PPA1: variants seen among roughly 807,000 people sequenced by gnomAD.
PPA1 encodes inorganic pyrophosphatase.
A neutral mutation model predicts 41.8 loss-of-function variants in PPA1; 23 were observed. The observed-to-expected ratio is 0.55, with a 90% CI of 0.40 to 0.78. The LOEUF (loss-of-function observed/expected upper bound fraction) is 0.78. Ranked by LOEUF, PPA1 falls within the 30% of genes least tolerant of loss-of-function variation. PPA1 has a pLI of 0.00. For missense variants in PPA1, 320 were observed against 361.6 expected (o/e 0.89, Z 0.93); for synonymous variants, 101 against 116.8 (o/e 0.86, Z 0.87).
At chr10:70,229,551 T>C (rs760051159) in intron 2 of PPA1, among the ~76,000 whole-genome samples, 2 of 152,246 alleles carry the variant, frequency 1.3e-5, no homozygotes, top group African/African-American at 2.4e-5. Context: ...AACAGCTATG[T>C]CCTTTTAGAA....
chr10:70,232,817 G>T (rs1045734834), intron 1 of PPA1, among the ~76,000 whole-genome samples: 1 of 152,080 alleles, frequency 6.6e-6, no homozygotes, highest in African/African-American at 2.4e-5. Context: ...GATAATCTGA[G>T]CTACGGCGGC....
chr10:70,220,545 GTATAATATATATATAATTATATA>G lies in PPA1; in HGVS notation c.124-1751_124-1729del, dbSNP rs1297550115. On this transcript the variant is annotated intron_variant, in intron 2 of 10. Coordinates refer to ENST00000373232, the MANE Select transcript of PPA1 (RefSeq NM_021129.4). ...TATATGTATTATATATAATTTTTAT[GTATAATATATATATAATTATATA>G]TATAATATATATAATTATATATTAT... Among the ~76,000 whole-genome samples, 8 of 11,418 alleles carry G rather than the reference GTATAATATATATATAATTATATA, an allele frequency of 7.0e-4. 1 individual carries two copies. Among genetic ancestry groups the G allele is most frequent in the African/African-American group, 4.9e-3 (7 of 1,424 alleles). The allele number at this position is 11,418 out of a possible 152,430, so 7.5% of individuals were successfully genotyped here.
In PPA1 at chr10:70,203,007, C is replaced by T. The variant is rs892889053; in HGVS notation, c.*148G>A. On this transcript the variant is annotated 3_prime_UTR_variant, in exon 11 of 11. Coordinates refer to ENST00000373232, the MANE Select transcript of PPA1 (RefSeq NM_021129.4). ...AAAAATGCTTTAGATGGATAACATTCTGAGTATATTGGATTAGTCACAGCA... is the reference window on the plus strand; with the variant it reads ...AAAAATGCTTTAGATGGATAACATTTTGAGTATATTGGATTAGTCACAGCA... 3 of 764,550 alleles carry T rather than the reference C, an allele frequency of 3.9e-6. No individual in the cohort carries two copies. Among genetic ancestry groups the T allele is most frequent in the Middle Eastern group, 3.7e-4 (1 of 2,730 alleles). 47.4% of individuals were successfully genotyped at this position (764,550 alleles called of 1,614,324 possible). A position where few individuals can be genotyped will look rare whatever the true frequency, so the allele number is the denominator to read the frequency against.
In PPA1 at chr10:70,233,411, T is replaced by G; in HGVS notation, c.-84A>C. On this transcript the variant is annotated 5_prime_UTR_variant, in exon 1 of 11. Transcript: ENST00000373232. Reference sequence around the variant, plus strand: ...ACTGACAAGGAGAGAGCCCCACGCCTGCGCACTGCGAGCACTGGACCGGCG... The same window carrying G: ...ACTGACAAGGAGAGAGCCCCACGCCGGCGCACTGCGAGCACTGGACCGGCG... The G allele has an allele frequency of 3.4e-6, 5 of 1,491,066 alleles. No individual in the cohort carries two copies. The highest frequency in any genetic ancestry group is 4.4e-6 in the Non-Finnish European group (5 of 1,125,598). 92.4% of individuals were successfully genotyped at this position (1,491,066 alleles called of 1,614,324 possible).
intron 2 of PPA1, among the ~76,000 whole-genome samples, chr10:70,223,581 C>G (rs1462169823): frequency 6.6e-6 from 1 of 152,034 alleles, no homozygotes; most frequent in East Asian, 1.9e-4. Context: ...AAAGAACAAC[C>G]TTCTTCTAGA....
rs1564580071 is a variant in PPA1 at position 70,206,302 on chromosome 10, TGAA to T, written c.754_756del (p.Phe252del). 1 of 1,613,350 alleles carries T rather than the reference TGAA, an allele frequency of 6.2e-7. No individual in the cohort carries two copies. The highest frequency in any genetic ancestry group is 8.5e-7 in the Non-Finnish European group (1 of 1,179,436). ...GCTCTGGCAGCATCAGGATCACACT[TGAA>T]GGGGCTCTCAGACAAAGTTGTATTC... On this transcript the variant is annotated inframe_deletion, in exon 9 of 11. Coordinates refer to ENST00000373232, the MANE Select transcript of PPA1 (RefSeq NM_021129.4).
chr10:70,222,708 G>C (rs1009635892), intron 2 of PPA1, among the ~76,000 whole-genome samples: 1 of 151,902 alleles, frequency 6.6e-6, no homozygotes, highest in African/African-American at 2.4e-5. Context: ...TAAGTTTTAG[G>C]GTATATGTGC....
At chr10:70,212,732 A>G (rs1840034673) in intron 6 of PPA1, among the ~76,000 whole-genome samples, 1 of 151,858 alleles carries the variant, frequency 6.6e-6, no homozygotes, top group Non-Finnish European at 1.5e-5. Context: ...ACTAGTGGTG[A>G]TGGCTGCACA....
intron 10 of PPA1, chr10:70,204,284 TG>T (rs985370945): frequency 1.8e-4 from 27 of 152,346 alleles, no homozygotes; most frequent in African/African-American, 6.3e-4. Context: ...CCCAGCTATT[TG>T]GGAGGCTGAG....
chr10:70,216,912 G>C (rs1840087270), intron 4 of PPA1, among the ~76,000 whole-genome samples: 1 of 152,124 alleles, frequency 6.6e-6, no homozygotes, highest in Non-Finnish European at 1.5e-5. Flanking sequence ...GCTCACACCT[G>C]TAATCCCAGC....
chr10:70,232,727 C>G (rs1214852337), intron 1 of PPA1, among the ~76,000 whole-genome samples: 1 of 152,106 alleles, frequency 6.6e-6, no homozygotes, highest in Non-Finnish European at 1.5e-5. Flanking sequence ...CGGTCCAGCG[C>G]CTTCACAGAC....
chr10:70,206,438 G>A (rs945069764), intron 8 of PPA1, 105 bp from the exon 9 acceptor site: 3 of 800,950 alleles, frequency 3.7e-6, no homozygotes, highest in Non-Finnish European at 6.3e-6. Context: ...TTCAAGTTTA[G>A]TTTAGTCGAA....
intron 1 of PPA1, among the ~76,000 whole-genome samples, chr10:70,231,018 G>T (rs1199745615): frequency 6.6e-6 from 1 of 152,180 alleles, no homozygotes; most frequent in African/African-American, 2.4e-5. Flanking sequence ...TACTTGGGAG[G>T]AAGGGAGGGG....
chr10:70,206,446 G>A (rs1017255377), intron 8 of PPA1, 113 bp from the exon 9 acceptor site: 26 of 743,738 alleles, frequency 3.5e-5, no homozygotes, highest in Middle Eastern at 3.7e-4. Context: ...TAGTTTAGTC[G>A]AAAGCTTTTT....
chr10:70,222,904 A>G (rs554460399), intron 2 of PPA1, among the ~76,000 whole-genome samples: 1 of 138,342 alleles, frequency 7.2e-6, no homozygotes, highest in African/African-American at 2.7e-5. Context: ...TCATTGTTCA[A>G]TTCCCACCTA....
intron 4 of PPA1, among the ~76,000 whole-genome samples, chr10:70,217,184 A>T (rs1312768444): frequency 6.6e-6 from 1 of 152,126 alleles, no homozygotes; most frequent in Non-Finnish European, 1.5e-5. Flanking sequence ...AATTAAAAAA[A>T]AAAAAGGTTG....
rs1023145837 is a variant in PPA1, at chr10:70,203,043, T to C, written c.*112A>G. On this transcript the variant is annotated 3_prime_UTR_variant, in exon 11 of 11. Coordinates refer to ENST00000373232, the MANE Select transcript of PPA1 (RefSeq NM_021129.4). ...GGATTAGTCACAGCAGAATTTACTT[T>C]AGTTAGATGAGTTCTACAAATTTAA... 7 of 1,062,798 alleles carry C rather than the reference T, an allele frequency of 6.6e-6. No individual in the cohort carries two copies. Among genetic ancestry groups the C allele is most frequent in the Non-Finnish European group, 9.9e-6 (7 of 704,678 alleles). The allele number at this position is 1,062,798 out of a possible 1,614,324, so 65.8% of individuals were successfully genotyped here.
chr10:70,230,464 C>T (rs1383536601), intron 1 of PPA1, 65 bp from the exon 2 acceptor site: 2 of 1,467,132 alleles, frequency 1.4e-6, no homozygotes, highest in Non-Finnish European at 1.9e-6. Context: ...CCACAGTACA[C>T]ATTTTTTTTT....
intron 6 of PPA1, chr10:70,210,440 A>G: frequency 2.2e-6 from 3 of 1,363,086 alleles, no homozygotes; most frequent in Non-Finnish European, 2.9e-6. Context: ...AGAAAAATAG[A>G]TTAGATTGAT....
Sources: gnomAD v4.1 joint callset for allele counts (sites outside exome capture counted in the v4.1 genomes callset) on GRCh38, gnomAD v4.1.1 for gene constraint, MANE v1.5 for transcripts, NCBI Gene and HGNC (gene_info 2026-07-23, HGNC 2026-07-21) for gene names.